PRTG: variants seen among roughly 807,000 people sequenced by gnomAD.
PRTG encodes protogenin.
PRTG carries 67 observed loss-of-function variants against 122.5 expected under a neutral mutation model. The observed-to-expected ratio is 0.55, with a 90% CI of 0.45 to 0.67. The LOEUF (loss-of-function observed/expected upper bound fraction) is 0.67, where lower values mean the gene tolerates loss of function less well. Among genes scored for constraint, PRTG ranks in the 30% least tolerant of loss-of-function variants. PRTG has a pLI of 0.00. For synonymous variants in PRTG, 554 were observed against 501.1 expected (o/e 1.11, Z -1.41); for missense variants, 1,435 against 1,415.4 (o/e 1.01, Z -0.22).
intron 9 of PRTG, among the ~76,000 whole-genome samples, chr15:55,674,211 C>T (rs993819689): frequency 6.6e-6 from 1 of 152,166 alleles, no homozygotes; most frequent in African/African-American, 2.4e-5. Context: ...GAGTCAAATA[C>T]AGTGACAGGT....
At chr15:55,710,724 T>A (rs966420778) in intron 2 of PRTG, among the ~76,000 whole-genome samples, 5 of 152,188 alleles carry the variant, frequency 3.3e-5, no homozygotes, top group African/African-American at 1.2e-4. Context: ...TTTTATTGCA[T>A]TCACTTGATT....
intron 2 of PRTG, among the ~76,000 whole-genome samples, chr15:55,723,449 C>G (rs552125191): frequency 6.9e-6 from 1 of 145,346 alleles, no homozygotes; most frequent in South Asian, 2.2e-4. Flanking sequence ...CACCATCAAG[C>G]AGACGAACAT....
rs2059147484 is a variant in PRTG, at chr15:55,617,779, T to A, written c.*2233A>T. The A allele has an allele frequency of 6.6e-6, 1 of 152,200 alleles. No individual in the cohort carries two copies. Among genetic ancestry groups the A allele is most frequent in the African/African-American group, 2.4e-5 (1 of 41,452 alleles). 9.4% of individuals were successfully genotyped at this position (152,200 alleles called of 1,614,324 possible). On this transcript the variant is annotated 3_prime_UTR_variant, in exon 20 of 20. Coordinates refer to ENST00000389286, the MANE Select transcript of PRTG (RefSeq NM_173814.6). The stretch of plus-strand genomic sequence containing the variant: ...CATGTAGTCCTAGACACATCTTCCA[T>A]AACCATGATGGATGATGTTTCAGCT...
chr15:55,724,203 T>C (rs1194114432), intron 2 of PRTG, among the ~76,000 whole-genome samples: 1 of 152,214 alleles, frequency 6.6e-6, no homozygotes, highest in Non-Finnish European at 1.5e-5. Flanking sequence ...ATTGCTTATA[T>C]GTCTGTTCGA....
chr15:55,624,206 G>T, intron 18 of PRTG, 136 bp downstream of exon 18: 1 of 701,780 alleles, frequency 1.4e-6, no homozygotes, highest in Non-Finnish European at 2.2e-6. Flanking sequence ...AATGATCTCG[G>T]TAAAATTTCA....
chr15:55,702,982 C>G, intron 2 of PRTG: 1 of 941,400 alleles, frequency 1.1e-6, no homozygotes, highest in Non-Finnish European at 1.3e-6. Context: ...TGGGAATTCT[C>G]ATAATATTCA....
Position 55,742,963 on chromosome 15 carries a change from C to A in PRTG, c.-32G>T, listed in dbSNP as rs1035128559. 3.4e-6 allele frequency: 5 copies of A among 1,467,190 alleles called. No individual in the cohort carries two copies. Among genetic ancestry groups the A allele is most frequent in the South Asian group, 1.3e-5 (1 of 74,080 alleles). 90.9% of individuals were successfully genotyped at this position (1,467,190 alleles called of 1,614,324 possible). ...TAGCCGCGCGGGCATGCTCCCCGGC[C>A]GCCCAGAGCCCCTGTCCGTCTGCGG... On this transcript the variant is annotated 5_prime_UTR_variant, in exon 1 of 20. Transcript: ENST00000389286.
At chr15:55,642,660 AAAT>A (rs1412989208) in intron 11 of PRTG, among the ~76,000 whole-genome samples, 1 of 152,028 alleles carries the variant, frequency 6.6e-6, no homozygotes, top group East Asian at 1.9e-4. Flanking sequence ...ATACTTCTCT[AAAT>A]AATAAAAAAC....
intron 2 of PRTG, among the ~76,000 whole-genome samples, chr15:55,712,349 C>A (rs969284931): frequency 6.6e-6 from 1 of 152,146 alleles, no homozygotes; most frequent in Non-Finnish European, 1.5e-5. Context: ...AGCTTTAGTC[C>A]GTGGACAGAG....
chr15:55,711,202 G>A (rs547445447), intron 2 of PRTG, among the ~76,000 whole-genome samples: 31 of 151,678 alleles, frequency 2.0e-4, no homozygotes, highest in Non-Finnish European at 3.2e-4. Context: ...GATTACAGGC[G>A]TGAGCCACTG....
intron 2 of PRTG, among the ~76,000 whole-genome samples, chr15:55,731,601 C>G (rs1302377336): frequency 6.6e-6 from 1 of 151,700 alleles, no homozygotes; most frequent in Admixed American, 6.6e-5. Context: ...GAACTCCTGA[C>G]CTCATGATCC....
chr15:55,649,228 A>T (rs2059340602), intron 11 of PRTG, among the ~76,000 whole-genome samples: 1 of 152,228 alleles, frequency 6.6e-6, no homozygotes, highest in Non-Finnish European at 1.5e-5. Context: ...AAGCTAAGAG[A>T]CAGCCTAGCA....
chr15:55,649,165 T>C (rs891197940), intron 11 of PRTG, among the ~76,000 whole-genome samples: 1 of 150,780 alleles, frequency 6.6e-6, no homozygotes, highest in Non-Finnish European at 1.5e-5. Flanking sequence ...CTACAGTGAG[T>C]GGATGCTGAG....
intron 2 of PRTG, among the ~76,000 whole-genome samples, chr15:55,706,660 G>C (rs1595666385): frequency 6.9e-6 from 1 of 145,396 alleles, no homozygotes; most frequent in South Asian, 2.1e-4. Context: ...TAGCTACTTA[G>C]GAAGTTGAGG....
At chr15:55,682,949 T>C (rs2059549144) in intron 3 of PRTG, among the ~76,000 whole-genome samples, 1 of 152,224 alleles carries the variant, frequency 6.6e-6, no homozygotes, top group East Asian at 1.9e-4. Context: ...TAAAGACCTT[T>C]TAAAATATTA....
At chr15:55,724,561 G>T (rs539855076) in intron 2 of PRTG, among the ~76,000 whole-genome samples, 9 of 152,046 alleles carry the variant, frequency 5.9e-5, no homozygotes, top group African/African-American at 2.2e-4. Flanking sequence ...GACCAGCCTG[G>T]CCAACACAGC....
chr15:55,641,769 C>T (rs1187197832), intron 11 of PRTG, among the ~76,000 whole-genome samples: 1 of 152,140 alleles, frequency 6.6e-6, no homozygotes, highest in East Asian at 1.9e-4. Context: ...TTCTCAAGTG[C>T]GAACTTCACC....
chr15:55,638,928 G>T (rs535023557), intron 13 of PRTG, among the ~76,000 whole-genome samples: 7 of 151,826 alleles, frequency 4.6e-5, no homozygotes, highest in East Asian at 1.9e-4. Flanking sequence ...AATACAAAGG[G>T]ATTTCCTCTG....
intron 6 of PRTG, 66 bp downstream of exon 6, chr15:55,679,988 G>T: frequency 7.8e-7 from 1 of 1,282,190 alleles, no homozygotes; most frequent in Non-Finnish European, 1.1e-6. Flanking sequence ...AGTAAGCTAT[G>T]AATGAGATAA....
Sources: gnomAD v4.1 joint callset for allele counts (sites outside exome capture counted in the v4.1 genomes callset) on GRCh38, gnomAD v4.1.1 for gene constraint, MANE v1.5 for transcripts, NCBI Gene and HGNC (gene_info 2026-07-23, HGNC 2026-07-21) for gene names.